ZFAND6: variants seen among roughly 807,000 people sequenced by gnomAD.
ZFAND6 encodes the protein AN1-type zinc finger protein 6.
Under a neutral mutation model 24.5 loss-of-function variants are expected in ZFAND6, and 12 were observed. The observed-to-expected ratio is 0.49, with a 90% CI of 0.31 to 0.79. The LOEUF is 0.79. Among genes scored for constraint, ZFAND6 ranks in the 30% least tolerant of loss-of-function variants. The probability of loss-of-function intolerance (pLI) is 0.04; values close to 1 mark genes in which losing one functional copy is unlikely to be tolerated. For synonymous variants in ZFAND6, 92 were observed against 81.5 expected (o/e 1.13, Z -0.69); for missense variants, 207 against 245.9 (o/e 0.84, Z 1.06).
At chr15:80,109,297 G>A (rs1252759071) in intron 2 of ZFAND6, among the ~76,000 whole-genome samples, 1 of 152,084 alleles carries the variant, frequency 6.6e-6, no homozygotes, top group Non-Finnish European at 1.5e-5. Flanking sequence ...CCTGCCATTA[G>A]GGAGGTAACA....
chr15:80,069,797 C>CG (rs1459167073), intron 1 of ZFAND6, among the ~76,000 whole-genome samples: 1 of 152,034 alleles, frequency 6.6e-6, no homozygotes, highest in Non-Finnish European at 1.5e-5. Context: ...CTAGTAGAGA[C>CG]GGGGTTTCAC....
intron 6 of ZFAND6, chr15:80,131,560 G>A (rs1169700319): frequency 2.4e-6 from 1 of 417,568 alleles, no homozygotes; most frequent in East Asian, 3.4e-5. Context: ...TTCTGTGAAA[G>A]GTCAAAGATG....
chr15:80,093,741 TTAGA>T (rs927592359), intron 1 of ZFAND6, among the ~76,000 whole-genome samples: 4 of 152,154 alleles, frequency 2.6e-5, no homozygotes, highest in South Asian at 2.1e-4. Flanking sequence ...AAATAAATAG[TTAGA>T]TAGATAACTT....
In ZFAND6 at chr15:80,064,694, G is replaced by A. The variant is rs574412378; in HGVS notation, c.-181+4885G>A. 1.4e-4 allele frequency among the ~76,000 whole-genome samples: 22 copies of A among 152,188 alleles called. No homozygotes were observed. The South Asian group carries it at 3.9e-3, about 27-fold the overall frequency. ...CTTGCTCTATCACCCAGGATAGAGG[G>A]CAGTGGTGCAGTCATGGTTCACTGA... On this transcript the variant is annotated intron_variant, in intron 1 of 6. Coordinates refer to ENST00000261749, the MANE Select transcript of ZFAND6 (RefSeq NM_019006.4).
intron 1 of ZFAND6, among the ~76,000 whole-genome samples, chr15:80,074,040 T>C (rs1269630280): frequency 6.6e-6 from 1 of 151,962 alleles, no homozygotes; most frequent in Non-Finnish European, 1.5e-5. Context: ...TAAAAAGTTA[T>C]ACCAGTTTAT....
intron 2 of ZFAND6, among the ~76,000 whole-genome samples, chr15:80,101,391 A>G (rs1017832819): frequency 2.0e-5 from 3 of 152,040 alleles, no homozygotes; most frequent in Non-Finnish European, 4.4e-5. Flanking sequence ...TGAACCCGGG[A>G]GGCAGAGGTT....
At chr15:80,110,191 C>T (rs2039536775) in intron 2 of ZFAND6, among the ~76,000 whole-genome samples, 1 of 152,096 alleles carries the variant, frequency 6.6e-6, no homozygotes, top group African/African-American at 2.4e-5. Context: ...TGTTGATCTC[C>T]CAGACCAACA....
intron 2 of ZFAND6, among the ~76,000 whole-genome samples, chr15:80,105,744 A>G (rs948184674): frequency 6.6e-6 from 1 of 152,196 alleles, no homozygotes; most frequent in Non-Finnish European, 1.5e-5. Context: ...GTCCCTGTAT[A>G]TATAACAGTT....
At chr15:80,113,291 CT>C (rs1027706515) in intron 2 of ZFAND6, among the ~76,000 whole-genome samples, 2 of 152,140 alleles carry the variant, frequency 1.3e-5, no homozygotes, top group African/African-American at 4.8e-5. Context: ...ATTGTCAGAT[CT>C]TCCTATTTTT....
chr15:80,100,057 T>G (rs2038955196), intron 2 of ZFAND6, among the ~76,000 whole-genome samples: 1 of 152,242 alleles, frequency 6.6e-6, no homozygotes, highest in African/African-American at 2.4e-5. Flanking sequence ...GGTCAGTAGA[T>G]ACATAACACT....
intron 6 of ZFAND6, among the ~76,000 whole-genome samples, chr15:80,136,414 G>A (rs920171572): frequency 1.3e-5 from 2 of 151,690 alleles, no homozygotes; most frequent in Non-Finnish European, 2.9e-5. Flanking sequence ...GTGGTGAGCC[G>A]AGATCATGCC....
intron 5 of ZFAND6, among the ~76,000 whole-genome samples, chr15:80,123,937 T>A (rs2040258884): frequency 6.6e-6 from 1 of 152,242 alleles, no homozygotes; most frequent in Non-Finnish European, 1.5e-5. Flanking sequence ...TTGCTTTTTT[T>A]TCATACCCAG....
intron 6 of ZFAND6, among the ~76,000 whole-genome samples, chr15:80,135,679 T>C (rs2040829317): frequency 6.6e-6 from 1 of 152,260 alleles, no homozygotes. Context: ...CTCACACCTA[T>C]AATCCCAGCA....
intron 1 of ZFAND6, among the ~76,000 whole-genome samples, chr15:80,065,446 TCCC>T (rs140809471): frequency 6.6e-6 from 1 of 151,160 alleles, no homozygotes; most frequent in African/African-American, 2.4e-5. Context: ...TGTTTAAGTC[TCCC>T]CCCCATCCCC....
At chr15:80,078,892 TTTA>T (rs897619963) in intron 1 of ZFAND6, among the ~76,000 whole-genome samples, 10 of 151,984 alleles carry the variant, frequency 6.6e-5, no homozygotes, top group East Asian at 1.9e-4. Flanking sequence ...ATTATTTTAT[TTTA>T]TTATTATTAT....
At chr15:80,112,918 C>G (rs2039682603) in intron 2 of ZFAND6, 1 of 454,846 alleles carries the variant, frequency 2.2e-6, no homozygotes. Flanking sequence ...CTATTTTGCA[C>G]TCTTCTGGGA....
Position 80,127,589 on chromosome 15 carries a change from CAAAAAA to C in ZFAND6, c.365-3570_365-3565del, listed in dbSNP as rs55872915. Among the ~76,000 whole-genome samples the C allele has an allele frequency of 4.2e-5, 5 of 120,070 alleles. No homozygotes were observed. The South Asian group carries it at 1.1e-3, about 26-fold the overall frequency. 78.8% of individuals were successfully genotyped at this position (120,070 alleles called of 152,430 possible). A position where few individuals can be genotyped will look rare whatever the true frequency, so the allele number is the denominator to read the frequency against. On this transcript the variant is annotated intron_variant, in intron 5 of 6. Transcript: ENST00000261749. The stretch of plus-strand genomic sequence containing the variant: ...TGGGCAAAAGGGCAAAACTCCATCT[CAAAAAA>C]AAAAAAAAAAAAAAAAAAAACCATG...
chr15:80,101,553 C>T (rs1230391730), intron 2 of ZFAND6, among the ~76,000 whole-genome samples: 1 of 152,154 alleles, frequency 6.6e-6, no homozygotes, highest in Non-Finnish European at 1.5e-5. Flanking sequence ...TCAGTAGCTA[C>T]ATGTGACTGA....
intron 1 of ZFAND6, among the ~76,000 whole-genome samples, chr15:80,070,595 C>T (rs1358027639): frequency 6.6e-6 from 1 of 152,074 alleles, no homozygotes; most frequent in East Asian, 1.9e-4. Context: ...TAAAATGATC[C>T]GGAATCACTG....
Sources: gnomAD v4.1 joint callset for allele counts (sites outside exome capture counted in the v4.1 genomes callset) on GRCh38, gnomAD v4.1.1 for gene constraint, MANE v1.5 for transcripts, NCBI Gene and HGNC (gene_info 2026-07-23, HGNC 2026-07-21) for gene names.